Variants in IGF2BP3 observed in about 807,000 individuals in gnomAD.
The protein encoded by IGF2BP3 is insulin like growth factor 2 mRNA binding protein 3.
In IGF2BP3, 9 loss-of-function variants were observed where a neutral mutation model predicts 73.8. The ratio of observed to expected loss-of-function variants is 0.12; its 90% CI spans 0.07 to 0.21. The LOEUF is 0.21. Among genes scored for constraint, IGF2BP3 ranks in the 10% least tolerant of loss-of-function variants. The pLI is 1.00. For missense variants in IGF2BP3, 542 were observed against 714.0 expected (o/e 0.76, Z 2.75); for synonymous variants, 258 against 256.7 (o/e 1.01, Z -0.05).
chr7:23,383,849 C>T (rs896941021), intron 3 of IGF2BP3, among the ~76,000 whole-genome samples: 1 of 152,070 alleles, frequency 6.6e-6, no homozygotes, highest in Admixed American at 6.6e-5. Flanking sequence ...GTAATTCCAG[C>T]ACTTTGGGAG....
intron 3 of IGF2BP3, among the ~76,000 whole-genome samples, chr7:23,397,383 G>A (rs185820541): frequency 5.9e-5 from 9 of 152,338 alleles, no homozygotes; most frequent in South Asian, 2.1e-4. Flanking sequence ...GGAGAGCACC[G>A]TGTTGTCAAC....
At chr7:23,334,442 A>G (rs1784521112) in intron 10 of IGF2BP3, among the ~76,000 whole-genome samples, 1 of 152,210 alleles carries the variant, frequency 6.6e-6, no homozygotes, top group African/African-American at 2.4e-5. Context: ...TACTTGCAAA[A>G]CTCAGCAGGC....
At chr7:23,412,005 T>TTC (rs1787039595) in intron 3 of IGF2BP3, among the ~76,000 whole-genome samples, 1 of 149,882 alleles carries the variant, frequency 6.7e-6, no homozygotes, top group East Asian at 1.9e-4. Context: ...TTTTTTTTTT[T>TTC]TCAGTAGAGT....
chr7:23,388,909 CAAGTA>C (rs1383450693), intron 3 of IGF2BP3, among the ~76,000 whole-genome samples: 1 of 152,024 alleles, frequency 6.6e-6, no homozygotes, highest in Non-Finnish European at 1.5e-5. Flanking sequence ...AACAGGTAAA[CAAGTA>C]AATAGTAGTA....
intron 2 of IGF2BP3, among the ~76,000 whole-genome samples, chr7:23,462,777 C>A (rs1464378135): frequency 6.6e-6 from 1 of 152,172 alleles, no homozygotes; most frequent in African/African-American, 2.4e-5. Flanking sequence ...TTCAGGGCAA[C>A]AAAATTCACA....
chr7:23,412,638 C>T (rs1787060646), intron 3 of IGF2BP3, among the ~76,000 whole-genome samples: 1 of 152,086 alleles, frequency 6.6e-6, no homozygotes, highest in South Asian at 2.1e-4. Context: ...AAATGACAAC[C>T]TTCCTTGCCC....
intron 3 of IGF2BP3, among the ~76,000 whole-genome samples, chr7:23,386,734 G>A (rs1786094403): frequency 6.6e-6 from 1 of 152,030 alleles, no homozygotes; most frequent in South Asian, 2.1e-4. Context: ...AGGGGTGGTG[G>A]TGCAAACTAA....
chr7:23,424,156 C>T lies in IGF2BP3; in HGVS notation c.237-5332G>A, dbSNP rs1787431778. 2.7e-5 allele frequency among the ~76,000 whole-genome samples: 4 copies of T among 150,494 alleles called. No individual in the cohort carries two copies. In the South Asian group the frequency reaches 8.5e-4, roughly 32 times the overall value. On this transcript the variant is annotated intron_variant, in intron 2 of 14. Transcript: ENST00000258729. ...TTTTTTTCAACACAGTTTAAGGGTT[C>T]CCCACCAGAGGGGAAATACGGTAAA...
intron 3 of IGF2BP3, among the ~76,000 whole-genome samples, chr7:23,392,965 A>C (rs991955890): frequency 6.6e-6 from 1 of 152,206 alleles, no homozygotes; most frequent in Admixed American, 6.5e-5. Context: ...TGAGTGGCAT[A>C]TAACTCCCAA....
intron 10 of IGF2BP3, among the ~76,000 whole-genome samples, chr7:23,335,807 A>G (rs552451083): frequency 2.0e-5 from 3 of 152,322 alleles, no homozygotes; most frequent in African/African-American, 7.2e-5. Flanking sequence ...TGCCAATTCC[A>G]GCTCTTGCTC....
At chr7:23,392,515 T>TACACACACACATACAC (rs1786316336) in intron 3 of IGF2BP3, among the ~76,000 whole-genome samples, 7 of 146,590 alleles carry the variant, frequency 4.8e-5, no homozygotes, top group Admixed American at 4.7e-4. Flanking sequence ...CACATATATA[T>TACACACACACATACAC]ACACACACAC....
chr7:23,329,693 C>T (rs1784395663), intron 10 of IGF2BP3, among the ~76,000 whole-genome samples: 1 of 152,066 alleles, frequency 6.6e-6, no homozygotes, highest in Admixed American at 6.6e-5. Context: ...CAGGTTGAGG[C>T]AAAAATAACT....
At chr7:23,449,550 TTTTC>T (rs1292507861) in intron 2 of IGF2BP3, among the ~76,000 whole-genome samples, 5 of 125,798 alleles carry the variant, frequency 4.0e-5, no homozygotes, top group African/African-American at 8.7e-5. Flanking sequence ...TCCTTTTTCT[TTTTC>T]TTTTTTTTTT....
intron 3 of IGF2BP3, among the ~76,000 whole-genome samples, chr7:23,410,508 C>T (rs1403561199): frequency 1.3e-5 from 2 of 152,120 alleles, no homozygotes; most frequent in African/African-American, 2.4e-5. Flanking sequence ...TTGCCTCATA[C>T]ACCATTCATA....
chr7:23,395,305 C>A (rs529983683), intron 3 of IGF2BP3, among the ~76,000 whole-genome samples: 1 of 152,150 alleles, frequency 6.6e-6, no homozygotes, highest in Non-Finnish European at 1.5e-5. Context: ...AGATAAAACA[C>A]CCGCAATATA....
At chr7:23,374,896 G>C (rs1785669518) in intron 3 of IGF2BP3, among the ~76,000 whole-genome samples, 1 of 152,112 alleles carries the variant, frequency 6.6e-6, no homozygotes, top group Non-Finnish European at 1.5e-5. Context: ...CGTGATAAAT[G>C]TCCATGAAAT....
chr7:23,356,890 A>C (rs545166895), intron 5 of IGF2BP3, among the ~76,000 whole-genome samples: 18 of 152,348 alleles, frequency 1.2e-4, no homozygotes, highest in African/African-American at 4.3e-4. Context: ...GATGACACAC[A>C]ACAGAAGACG....
Position 23,423,168 on chromosome 7 carries a change from C to T in IGF2BP3, c.237-4344G>A, listed in dbSNP as rs150977916. ...GACGTTTACCTCTGGCTCCTAACCC[C>T]GTGCTCTGCTCTTATCAGTACAAGA... is the stretch of plus-strand genomic sequence containing the variant. On this transcript the variant is annotated intron_variant, in intron 2 of 14. Coordinates refer to ENST00000258729, the MANE Select transcript of IGF2BP3 (RefSeq NM_006547.3). Among the ~76,000 whole-genome samples, 369 of 152,320 alleles carry T rather than the reference C, an allele frequency of 2.4e-3. 2 individuals are homozygous for T. Among genetic ancestry groups the T allele is most frequent in the African/African-American group, 8.1e-3 (336 of 41,574 alleles).
At chr7:23,454,023 T>C (rs952035060) in intron 2 of IGF2BP3, among the ~76,000 whole-genome samples, 2 of 152,178 alleles carry the variant, frequency 1.3e-5, no homozygotes, top group East Asian at 3.8e-4. Context: ...GGACGGGGTT[T>C]CGCCATGTTG....
Sources: allele counts gnomAD v4.1 joint callset (sites outside exome capture counted in the v4.1 genomes callset), GRCh38; gene constraint gnomAD v4.1.1; transcripts MANE v1.5; gene names NCBI Gene and HGNC (gene_info 2026-07-23, HGNC 2026-07-21).